Variants in CC2D2A observed in about 807,000 individuals in gnomAD.
CC2D2A encodes the protein coiled-coil and C2 domain containing 2A.
In CC2D2A, 155 loss-of-function variants were observed where a neutral mutation model predicts 212.9. That is an observed-to-expected ratio of 0.73 (90% confidence interval 0.64 to 0.83). The LOEUF (loss-of-function observed/expected upper bound fraction) is 0.83. Among genes scored for constraint, CC2D2A ranks in the 40% least tolerant of loss-of-function variants. The pLI, the probability that CC2D2A is intolerant of heterozygous loss-of-function variation, is 0.00. For missense variants in CC2D2A, 1,856 were observed against 1,956.2 expected (o/e 0.95, Z 0.97); for synonymous variants, 667 against 686.5 (o/e 0.97, Z 0.44).
rs73799891 is a variant in CC2D2A at position 15,514,536 on chromosome 4, C to T, written c.718-171C>T. ...TACTGCAAAACAATTTTTTTAAAAACCCACTTGTTAAATATGAAAGGTTAT... is the reference window on the plus strand; with the variant it reads ...TACTGCAAAACAATTTTTTTAAAAATCCACTTGTTAAATATGAAAGGTTAT... On this transcript the variant is annotated intron_variant, in intron 8 of 36. Coordinates refer to ENST00000424120, the MANE Select transcript of CC2D2A (RefSeq NM_001378615.1). Among the ~76,000 whole-genome samples the T allele has an allele frequency of 6.9e-3, 1,057 of 152,148 alleles. 18 individuals are homozygous for T. Among genetic ancestry groups the T allele is most frequent in the African/African-American group, 0.024 (1,011 of 41,498 alleles).
chr4:15,516,333 GT>G (rs1021387495), intron 10 of CC2D2A, among the ~76,000 whole-genome samples: 12 of 149,870 alleles, frequency 8.0e-5, no homozygotes, highest in East Asian at 3.9e-4. Flanking sequence ...TTTATTCTGT[GT>G]TTTTTTTTCT....
intron 5 of CC2D2A, 101 bp downstream of exon 5, chr4:15,502,618 C>T: frequency 8.9e-7 from 1 of 1,117,446 alleles, no homozygotes; most frequent in African/African-American, 1.6e-5. Flanking sequence ...ATTTGAATAC[C>T]ATTCAATTTG....
rs71179633 is a variant in CC2D2A at position 15,500,099 on chromosome 4, G to GTATACATATATATATATA, written c.248-2329_248-2328insATACATATATATATATAT. The stretch of plus-strand genomic sequence containing the variant: ...ATTGTGTGTGTGTGTGTGTGTGTGT[G>GTATACATATATATATATA]TGTGTGTGTATATATATATATATAT... On this transcript the variant is annotated intron_variant, in intron 4 of 36. Coordinates refer to ENST00000424120, the MANE Select transcript of CC2D2A (RefSeq NM_001378615.1). Among the ~76,000 whole-genome samples the GTATACATATATATATATA allele has an allele frequency of 1.8e-3, 124 of 69,796 alleles. 1 individual carries two copies. The highest frequency in any genetic ancestry group is 5.2e-3 in the African/African-American group (116 of 22,426). The allele number at this position is 69,796 out of a possible 152,430, so 45.8% of individuals were successfully genotyped here.
intron 26 of CC2D2A, among the ~76,000 whole-genome samples, chr4:15,568,111 T>A (rs1277155477): frequency 6.6e-6 from 1 of 152,254 alleles, no homozygotes; most frequent in Admixed American, 6.5e-5. Flanking sequence ...TTCTTCCTCA[T>A]GTCCCCTCAA....
rs982352950 is a variant in CC2D2A, at chr4:15,570,488, CA to C, written c.3588del (p.Ala1197GlnfsTer9). The C allele has an allele frequency of 5.6e-6, 9 of 1,595,680 alleles. No homozygotes were observed. The highest frequency in any genetic ancestry group is 7.7e-6 in the Non-Finnish European group (9 of 1,167,318). The part of the protein sequence containing the change: ...VKMPFSTIYF[Q>X]ARIDGTFKID... The stretch of plus-strand genomic sequence containing the variant: ...AATGCCATTTAGCACAATATATTTC[CA>C]AGCAAGGGTAAGTATCTAAAGTTAG... On this transcript the variant is annotated frameshift_variant, in exon 28 of 37. Coordinates refer to ENST00000424120, the MANE Select transcript of CC2D2A (RefSeq NM_001378615.1). LOFTEE classifies it high-confidence loss of function.
At chr4:15,555,009 G>C in intron 19 of CC2D2A, 63 bp from the exon 20 acceptor site, 3 of 1,522,070 alleles carry the variant, frequency 2.0e-6, no homozygotes, top group Non-Finnish European at 2.7e-6. Flanking sequence ...TCTAGAATTT[G>C]AGGTCCTGAT....
At chr4:15,481,081 C>A in intron 4 of CC2D2A, 1 of 471,716 alleles carries the variant, frequency 2.1e-6, no homozygotes, top group Non-Finnish European at 4.1e-6. Context: ...GAAATGTGAC[C>A]TTCAATGTTA....
At chr4:15,587,791 C>T in intron 31 of CC2D2A, 25 bp from the exon 32 acceptor site, 1 of 1,272,238 alleles carries the variant, frequency 7.9e-7, no homozygotes, top group Admixed American at 1.7e-5. Flanking sequence ...AGTCATACAA[C>T]ATAATTTTTT....
chr4:15,559,835 T>G (rs1230381179), intron 22 of CC2D2A, among the ~76,000 whole-genome samples: 2 of 152,072 alleles, frequency 1.3e-5, no homozygotes, highest in African/African-American at 4.8e-5. Context: ...TATTTTTATA[T>G]ATTTGAGACA....
intron 11 of CC2D2A, among the ~76,000 whole-genome samples, chr4:15,521,600 T>G (rs1717208260): frequency 6.6e-6 from 1 of 152,204 alleles, no homozygotes; most frequent in African/African-American, 2.4e-5. Context: ...GCGAAGATTG[T>G]TTTGCTCATG....
intron 9 of CC2D2A, among the ~76,000 whole-genome samples, chr4:15,515,616 C>A (rs529361874): frequency 6.6e-6 from 1 of 152,348 alleles, no homozygotes; most frequent in Non-Finnish European, 1.5e-5. Flanking sequence ...ATACTACCTT[C>A]TTCTCAGTAT....
chr4:15,484,309 A>G (rs939619566), intron 4 of CC2D2A, among the ~76,000 whole-genome samples: 2 of 152,212 alleles, frequency 1.3e-5, no homozygotes, highest in Admixed American at 6.5e-5. Flanking sequence ...GGCAGTGGAG[A>G]GTGAACAACA....
At chr4:15,491,409 C>T (rs540256329) in intron 4 of CC2D2A, among the ~76,000 whole-genome samples, 6 of 152,108 alleles carry the variant, frequency 3.9e-5, no homozygotes, top group East Asian at 1.9e-4. Flanking sequence ...ATTTACTTTT[C>T]GTTTGCTTGT....
intron 32 of CC2D2A, 138 bp downstream of exon 32, chr4:15,588,067 CAG>C (rs1490341724): frequency 9.0e-6 from 5 of 556,526 alleles, no homozygotes; most frequent in African/African-American, 7.6e-5. Context: ...CCGTAACGGG[CAG>C]AGAGAACTAC....
intron 20 of CC2D2A, among the ~76,000 whole-genome samples, chr4:15,555,854 C>A (rs898008607): frequency 6.6e-6 from 1 of 152,202 alleles, no homozygotes; most frequent in African/African-American, 2.4e-5. Context: ...GGTTTTATAT[C>A]CCCTTCTCCA....
At chr4:15,533,466 C>A in intron 14 of CC2D2A, 133 bp downstream of exon 14, 1 of 626,422 alleles carries the variant, frequency 1.6e-6, no homozygotes, top group Non-Finnish European at 2.6e-6. Flanking sequence ...AGAAATAGAA[C>A]ATTGCATACC....
chr4:15,508,134 A>T (rs573527895), intron 6 of CC2D2A, among the ~76,000 whole-genome samples: 1 of 152,160 alleles, frequency 6.6e-6, no homozygotes, highest in Non-Finnish European at 1.5e-5. Flanking sequence ...GCCATTAGAC[A>T]AATATTCCCC....
At chr4:15,559,472 C>T (rs1018323425) in intron 22 of CC2D2A, among the ~76,000 whole-genome samples, 15 of 152,122 alleles carry the variant, frequency 9.9e-5, no homozygotes, top group Non-Finnish European at 2.2e-4. Context: ...TTATTATCAG[C>T]AGTTACCTTT....
At chr4:15,593,993 G>C (rs142230173) in intron 33 of CC2D2A, among the ~76,000 whole-genome samples, 19 of 151,994 alleles carry the variant, frequency 1.3e-4, no homozygotes, top group Non-Finnish European at 2.4e-4. Context: ...CTTCATAATG[G>C]CCTACGGGAC....
Sources: gnomAD v4.1 joint callset for allele counts (sites outside exome capture counted in the v4.1 genomes callset) on GRCh38, gnomAD v4.1.1 for gene constraint, MANE v1.5 for transcripts, NCBI Gene and HGNC (gene_info 2026-07-23, HGNC 2026-07-21) for gene names.